The following LSAMP variants were observed in gnomAD, a reference collection of about 807,000 sequenced individuals.
LSAMP encodes limbic system-associated membrane protein.
A neutral mutation model predicts 38.6 loss-of-function variants in LSAMP; 7 were observed. The observed-to-expected ratio is 0.18, with a 90% CI of 0.10 to 0.34. LSAMP has a LOEUF of 0.34. Among genes scored for constraint, LSAMP ranks in the 10% least tolerant of loss-of-function variants. The pLI, the probability that LSAMP is intolerant of heterozygous loss-of-function variation, is 1.00. For synonymous variants in LSAMP, 154 were observed against 166.8 expected (o/e 0.92, Z 0.59); for missense variants, 313 against 420.0 (o/e 0.75, Z 2.23).
chr3:115,960,582 C>T (rs4831211), intron 3 of LSAMP, among the ~76,000 whole-genome samples: 34,751 of 151,962 alleles, frequency 0.23, 4,147 homozygotes, highest in African/African-American at 0.25. Context: ...TAATTTTTTC[C>T]GCCAGTGTTT....
chr3:115,878,048 C>T (rs376555612), intron 3 of LSAMP, among the ~76,000 whole-genome samples: 125 of 152,188 alleles, frequency 8.2e-4, no homozygotes, highest in African/African-American at 2.7e-3. Context: ...GGGCCATACG[C>T]GGAGACACGA....
chr3:116,366,411 G>C (rs775193259), intron 1 of LSAMP, among the ~76,000 whole-genome samples: 116 of 152,200 alleles, frequency 7.6e-4, no homozygotes, highest in Middle Eastern at 3.4e-3. Context: ...AGATTGATAG[G>C]CAATGAGAAT....
intron 1 of LSAMP, among the ~76,000 whole-genome samples, chr3:116,093,454 T>C (rs150343522): frequency 3.9e-5 from 6 of 152,356 alleles, no homozygotes; most frequent in Admixed American, 2.6e-4. Flanking sequence ...CATAGGCTTA[T>C]GCTTTTTAAT....
At chr3:116,140,862 A>T (rs1285267526) in intron 1 of LSAMP, among the ~76,000 whole-genome samples, 1 of 152,016 alleles carries the variant, frequency 6.6e-6, no homozygotes, top group Non-Finnish European at 1.5e-5. Context: ...ACCAACCCAA[A>T]GGAAATTCAG....
chr3:116,025,450 G>A (rs1164261085), intron 2 of LSAMP, among the ~76,000 whole-genome samples: 1 of 151,986 alleles, frequency 6.6e-6, no homozygotes. Context: ...AAGCTTCTTT[G>A]TTGTTGTATC....
intron 1 of LSAMP, among the ~76,000 whole-genome samples, chr3:116,205,193 GCTCT>G (rs1220291632): frequency 2.0e-5 from 3 of 148,774 alleles, no homozygotes; most frequent in Admixed American, 6.7e-5. Context: ...TCATGATTTG[GCTCT>G]CTGTTTGTCT....
intron 1 of LSAMP, among the ~76,000 whole-genome samples, chr3:116,328,607 T>A (rs1283015052): frequency 6.6e-6 from 1 of 152,096 alleles, no homozygotes; most frequent in Non-Finnish European, 1.5e-5. Flanking sequence ...GAATCAGTCA[T>A]AATAAATGAA....
chr3:115,879,289 A>G (rs1242559044), intron 3 of LSAMP, among the ~76,000 whole-genome samples: 2 of 152,184 alleles, frequency 1.3e-5, no homozygotes, highest in African/African-American at 4.8e-5. Context: ...GAAATTGTCA[A>G]TTTCAAATTA....
At chr3:116,237,088 CA>C (rs1402020544) in intron 1 of LSAMP, among the ~76,000 whole-genome samples, 8 of 151,840 alleles carry the variant, frequency 5.3e-5, no homozygotes, top group African/African-American at 1.9e-4. Flanking sequence ...ATCATGACAT[CA>C]AAAATATGCC....
intron 1 of LSAMP, among the ~76,000 whole-genome samples, chr3:116,436,995 A>G (rs2049359958): frequency 6.8e-6 from 1 of 147,464 alleles, no homozygotes; most frequent in African/African-American, 2.5e-5. Flanking sequence ...ATATATATGC[A>G]TATATATATA....
chr3:115,817,828 C>A (rs529175517), intron 6 of LSAMP, among the ~76,000 whole-genome samples: 1 of 152,330 alleles, frequency 6.6e-6, no homozygotes, highest in South Asian at 2.1e-4. Flanking sequence ...ATATATAAAA[C>A]AATGGTCTCT....
chr3:116,313,533 T>C (rs1333879449), intron 1 of LSAMP, among the ~76,000 whole-genome samples: 1 of 152,186 alleles, frequency 6.6e-6, no homozygotes. Flanking sequence ...GCAAGCACCT[T>C]CTAGTCCACA....
intron 3 of LSAMP, among the ~76,000 whole-genome samples, chr3:115,993,299 C>T (rs1017008373): frequency 3.3e-5 from 5 of 152,024 alleles, no homozygotes; most frequent in Admixed American, 6.6e-5. Flanking sequence ...TCATAACAGT[C>T]TTTAAAGTGT....
intron 1 of LSAMP, among the ~76,000 whole-genome samples, chr3:116,279,689 T>A (rs1258532982): frequency 6.6e-6 from 1 of 152,204 alleles, no homozygotes. Flanking sequence ...TACTGTCACA[T>A]GTAGATTGCT....
chr3:116,413,057 T>C (rs2049001076), intron 1 of LSAMP, among the ~76,000 whole-genome samples: 1 of 152,068 alleles, frequency 6.6e-6, no homozygotes. Flanking sequence ...ATATAAATTA[T>C]TGGGTTCCAC....
intron 1 of LSAMP, among the ~76,000 whole-genome samples, chr3:116,118,631 G>A (rs752091580): frequency 6.6e-5 from 10 of 152,058 alleles, no homozygotes; most frequent in Non-Finnish European, 1.5e-4. Context: ...CCACAGATTT[G>A]CTCAGGATTA....
intron 1 of LSAMP, among the ~76,000 whole-genome samples, chr3:116,121,885 ATTT>A (rs57411929): frequency 0.073 from 10,017 of 136,720 alleles, 1,131 homozygotes; most frequent in African/African-American, 0.25. Context: ...TTTTTTTGTG[ATTT>A]TTTTTTTTTT....
intron 1 of LSAMP, among the ~76,000 whole-genome samples, chr3:116,305,177 T>C (rs17645807): frequency 0.059 from 8,944 of 152,176 alleles, 320 homozygotes; most frequent in Middle Eastern, 0.11. Flanking sequence ...AATTCTACTA[T>C]AGTTCCCTCA....
chr3:115,973,893 A>G (rs1000693676), intron 3 of LSAMP, among the ~76,000 whole-genome samples: 3 of 152,188 alleles, frequency 2.0e-5, no homozygotes, highest in Non-Finnish European at 4.4e-5. Context: ...GTACTCAAAA[A>G]CTTTGGAATT....
Sources: gnomAD v4.1 joint callset for allele counts (sites outside exome capture counted in the v4.1 genomes callset) on GRCh38, gnomAD v4.1.1 for gene constraint, MANE v1.5 for transcripts, NCBI Gene and HGNC (gene_info 2026-07-23, HGNC 2026-07-21) for gene names.